The following SENP7 variants were observed in gnomAD, a reference collection of about 807,000 sequenced individuals.
The protein encoded by SENP7 is SUMO specific peptidase 7, also known as sentrin-specific protease 7.
A neutral mutation model predicts 141.2 loss-of-function variants in SENP7; 64 were observed. The ratio of observed to expected loss-of-function variants is 0.45; its 90% CI spans 0.37 to 0.56. The LOEUF is 0.56. Among genes scored for constraint, SENP7 ranks in the 20% least tolerant of loss-of-function variants. The probability of loss-of-function intolerance (pLI) is 0.00; values close to 1 mark genes in which losing one functional copy is unlikely to be tolerated. For synonymous variants in SENP7, 382 were observed against 426.4 expected, an observed-to-expected ratio of 0.90 and a Z score of 1.28; for missense variants, 1,025 against 1,212.2, an observed-to-expected ratio of 0.85 and a Z score of 2.29.
At chr3:101,427,301 C>A (rs942302670) in intron 4 of SENP7, among the ~76,000 whole-genome samples, 8 of 151,812 alleles carry the variant, frequency 5.3e-5, no homozygotes, top group Admixed American at 4.6e-4. Flanking sequence ...CCAGCCTGGG[C>A]AACATGGCAA....
In SENP7 at chr3:101,399,186, A is replaced by T. The variant is rs559610903; in HGVS notation, c.483-131T>A. The T allele has an allele frequency of 1.9e-4, 94 of 485,678 alleles. No homozygotes were observed. In the South Asian group the frequency reaches 6.3e-3, roughly 32 times the overall value. The allele number at this position is 485,678 out of a possible 1,614,324, so 30.1% of individuals were successfully genotyped here. On this transcript the variant is annotated intron_variant, in intron 5 of 23. Transcript: ENST00000394095. ...AGCTGTTCGAACTACACCACCCTAG[A>T]AATTAACCCATAAATACTTAAAAAT...
In SENP7 at chr3:101,324,636, C is replaced by G; in HGVS notation, c.*1307G>C. The G allele has an allele frequency of 6.6e-6, 1 of 151,896 alleles. No individual in the cohort carries two copies. Among genetic ancestry groups the G allele is most frequent in the East Asian group, 1.9e-4 (1 of 5,198 alleles). 9.4% of individuals were successfully genotyped at this position (151,896 alleles called of 1,614,324 possible). A position where few individuals can be genotyped will look rare whatever the true frequency, so the allele number is the denominator to read the frequency against. ...CTAAGAATACTGAGGCTTAACTGACCCCGATTCGTATGATTTTGAAATAAA... is the reference window on the plus strand; with the variant it reads ...CTAAGAATACTGAGGCTTAACTGACGCCGATTCGTATGATTTTGAAATAAA... On this transcript the variant is annotated 3_prime_UTR_variant, in exon 24 of 24. Transcript: ENST00000394095.
At chr3:101,394,394 G>A (rs1576208075) in intron 6 of SENP7, among the ~76,000 whole-genome samples, 1 of 152,010 alleles carries the variant, frequency 6.6e-6, no homozygotes, top group African/African-American at 2.4e-5. Context: ...GAATAGTACT[G>A]CAAAAAAACA....
chr3:101,457,684 C>CATTG, intron 4 of SENP7: 2 of 1,349,378 alleles, frequency 1.5e-6, no homozygotes, highest in Non-Finnish European at 2.1e-6. Flanking sequence ...CACACTTGTG[C>CATTG]CTGCAGTTTG....
chr3:101,417,496 C>T (rs9822356), intron 5 of SENP7, 97 bp downstream of exon 5: 429,585 of 1,015,396 alleles, frequency 0.42, 93,658 homozygotes, highest in Admixed American at 0.61. Context: ...ATGCAAATCT[C>T]CTTTCAGGTC....
intron 11 of SENP7, chr3:101,358,427 A>C (rs750711883): frequency 5.0e-6 from 2 of 402,016 alleles, no homozygotes; most frequent in Non-Finnish European, 9.9e-6. Context: ...AAACCCTATA[A>C]ATGTGATGAA....
At chr3:101,364,572 C>A (rs1359368181) in intron 10 of SENP7, among the ~76,000 whole-genome samples, 1 of 151,798 alleles carries the variant, frequency 6.6e-6, no homozygotes, top group Non-Finnish European at 1.5e-5. Context: ...CCAATGAAAG[C>A]CATAAAAAAA....
At chr3:101,428,672 C>A (rs138619233) in intron 4 of SENP7, among the ~76,000 whole-genome samples, 1 of 152,288 alleles carries the variant, frequency 6.6e-6, no homozygotes, top group Non-Finnish European at 1.5e-5. Flanking sequence ...CTGATAGTTT[C>A]TTTTGCTGTG....
chr3:101,430,587 T>C (rs1307452405), intron 4 of SENP7, among the ~76,000 whole-genome samples: 1 of 152,196 alleles, frequency 6.6e-6, no homozygotes, highest in South Asian at 2.1e-4. Flanking sequence ...TTTTCTTCTT[T>C]ATTAGTCTGG....
chr3:101,401,696 G>A (rs978958475), intron 5 of SENP7, among the ~76,000 whole-genome samples: 3 of 152,158 alleles, frequency 2.0e-5, no homozygotes, highest in African/African-American at 4.8e-5. Flanking sequence ...CTCAGAGCAA[G>A]ATACTCTCTT....
chr3:101,433,230 T>C (rs772680861), intron 4 of SENP7, among the ~76,000 whole-genome samples: 20 of 150,834 alleles, frequency 1.3e-4, no homozygotes, highest in Non-Finnish European at 2.4e-4. Context: ...TCAAGCCTCA[T>C]GGTAACCTCA....
chr3:101,497,089 A>C (rs556054498), intron 2 of SENP7, among the ~76,000 whole-genome samples: 4 of 152,380 alleles, frequency 2.6e-5, no homozygotes, highest in African/African-American at 9.6e-5. Context: ...TACGGGATTA[A>C]GAAATAAGTA....
intron 3 of SENP7, among the ~76,000 whole-genome samples, chr3:101,487,756 G>A (rs561791227): frequency 4.9e-4 from 75 of 152,282 alleles, no homozygotes; most frequent in African/African-American, 1.8e-3. Flanking sequence ...GCCTTTCAAA[G>A]ATCAGATGGT....
chr3:101,471,600 T>C (rs899749768), intron 3 of SENP7, among the ~76,000 whole-genome samples: 2 of 152,164 alleles, frequency 1.3e-5, no homozygotes, highest in Non-Finnish European at 2.9e-5. Context: ...AGGCAAGAAC[T>C]TCATCACTAA....
chr3:101,479,413 T>C (rs2108019635), intron 3 of SENP7, among the ~76,000 whole-genome samples: 1 of 152,172 alleles, frequency 6.6e-6, no homozygotes, highest in Non-Finnish European at 1.5e-5. Context: ...CTGAGCAACA[T>C]GGCAAGACAC....
chr3:101,474,538 A>C (rs2064138364), intron 3 of SENP7, among the ~76,000 whole-genome samples: 1 of 152,078 alleles, frequency 6.6e-6, no homozygotes. Context: ...TTGTATGCTG[A>C]GACTTTGCTG....
intron 7 of SENP7, among the ~76,000 whole-genome samples, chr3:101,370,643 G>C (rs915021783): frequency 6.6e-6 from 1 of 151,878 alleles, no homozygotes; most frequent in African/African-American, 2.4e-5. Context: ...TTGCTAGGTT[G>C]AATCTACAGA....
intron 3 of SENP7, among the ~76,000 whole-genome samples, chr3:101,473,061 T>C (rs1026717327): frequency 1.1e-4 from 16 of 152,196 alleles, no homozygotes; most frequent in African/African-American, 3.6e-4. Context: ...TCCAGCTCCA[T>C]TCAAGTCCCT....
Position 101,343,852 on chromosome 3 carries a change from C to T in SENP7, c.1940G>A (p.Gly647Glu). The change falls in exon 14 of 24, where the codon GGA becomes GAA. Residue 647 changes from glycine to glutamate, a missense_variant. Gly to Glu is a moderately conservative substitution (Grantham distance 98). This residue lies in a region of SENP7 where 228 missense variants were observed against 228.5 expected (regional missense o/e 1.00). Coordinates refer to ENST00000394095, the MANE Select transcript of SENP7 (RefSeq NM_020654.5). ...CAACGGGTAAGAAAGCTCTAATTCT[C>T]CACTGATTATACTTATTTCCGTCAT... ...DIMTEISIIS[G>E]ELELSYPLSW... is the part of the protein sequence containing the mutation. 6.2e-7 allele frequency: 1 copy of T among 1,613,720 alleles called. No homozygotes were observed. The highest frequency in any genetic ancestry group is 8.5e-7 in the Non-Finnish European group (1 of 1,179,778).
Sources: gnomAD v4.1 joint callset for allele counts (sites outside exome capture counted in the v4.1 genomes callset) on GRCh38, gnomAD v4.1.1 for gene constraint, gnomAD v4.1.1 regional missense constraint, MANE v1.5 for transcripts, NCBI Gene and HGNC (gene_info 2026-07-23, HGNC 2026-07-21) for gene names.